PTPRN2: variants seen among roughly 807,000 people sequenced by gnomAD.
PTPRN2 encodes receptor-type tyrosine-protein phosphatase N2.
Under a neutral mutation model 118.8 loss-of-function variants are expected in PTPRN2, and 74 were observed. The observed-to-expected ratio is 0.62, with a 90% CI of 0.52 to 0.76. The LOEUF is 0.76. PTPRN2 is among the 30% of genes least tolerant of loss of function. PTPRN2 has a pLI of 0.00. For missense variants in PTPRN2, 1,481 were observed against 1,394.4 expected (o/e 1.06, Z -0.99); for synonymous variants, 641 against 608.0 (o/e 1.05, Z -0.80).
rs539242301 is a variant in PTPRN2 at position 158,226,450 on chromosome 7, T to C, written c.278-21177A>G. ...GGGTGGGGACGACGTTTGTTTCTTC[T>C]GCAGGCTGAACTGTGTGGCAGAGGA... On this transcript the variant is annotated intron_variant, in intron 3 of 22. Coordinates refer to ENST00000389418, the MANE Select transcript of PTPRN2 (RefSeq NM_002847.5). Among the ~76,000 whole-genome samples, 180 of 152,304 alleles carry C rather than the reference T, an allele frequency of 1.2e-3. 1 individual carries two copies. The highest frequency in any genetic ancestry group is 4.3e-3 in the African/African-American group (179 of 41,580).
At chr7:157,649,543 C>T (rs1385908892) in intron 14 of PTPRN2, among the ~76,000 whole-genome samples, 4 of 132,922 alleles carry the variant, frequency 3.0e-5, no homozygotes, top group African/African-American at 8.1e-5. Context: ...GCACTGAACT[C>T]GGTGGGTCGG....
intron 12 of PTPRN2, among the ~76,000 whole-genome samples, chr7:157,859,773 GCC>G (rs1199256906): frequency 8.0e-5 from 9 of 112,930 alleles, no homozygotes; most frequent in South Asian, 3.5e-4. Context: ...TGCAGGGAGA[GCC>G]CCCCAGCCAC....
intron 2 of PTPRN2, among the ~76,000 whole-genome samples, chr7:158,329,404 C>G (rs1443262588): frequency 2.0e-5 from 3 of 152,218 alleles, no homozygotes; most frequent in African/African-American, 7.2e-5. Context: ...ATGCAACAGG[C>G]TGTGTGCCGA....
At chr7:158,101,852 A>G (rs918893485) in intron 10 of PTPRN2, among the ~76,000 whole-genome samples, 10 of 152,122 alleles carry the variant, frequency 6.6e-5, no homozygotes, top group Admixed American at 5.2e-4. Flanking sequence ...TCCCTTCTTC[A>G]TTCTGGCCCA....
At chr7:158,558,968 G>A (rs186894751) in intron 1 of PTPRN2, among the ~76,000 whole-genome samples, 13 of 152,122 alleles carry the variant, frequency 8.5e-5, no homozygotes, top group Middle Eastern at 3.4e-3. Flanking sequence ...CTGGATCCCC[G>A]AGGTCTGCAG....
chr7:157,792,148 T>A (rs1804547981), intron 12 of PTPRN2, among the ~76,000 whole-genome samples: 1 of 152,228 alleles, frequency 6.6e-6, no homozygotes, highest in African/African-American at 2.4e-5. Flanking sequence ...ATCGAGTGAC[T>A]CTTACAGATC....
rs112819194 is a variant in PTPRN2, at chr7:157,632,760, A to G, written c.2197-11251T>C. The stretch of plus-strand genomic sequence containing the variant: ...TATGAATCTTATTATCTTATTTAAC[A>G]TCTTAAAAATTAAGGTTATGTGAAC... On this transcript the variant is annotated intron_variant, in intron 14 of 22. Transcript: ENST00000389418. This position sits in a 1 kb window ranked among gnomAD's most constrained non-coding sequence, Gnocchi z 4.3. Among the ~76,000 whole-genome samples, 49 of 152,366 alleles carry G rather than the reference A, an allele frequency of 3.2e-4. No homozygotes were observed. Among genetic ancestry groups the G allele is most frequent in the African/African-American group, 1.2e-3 (48 of 41,578 alleles).
chr7:158,033,027 A>T (rs1807801711), intron 11 of PTPRN2, among the ~76,000 whole-genome samples: 1 of 152,098 alleles, frequency 6.6e-6, no homozygotes, highest in South Asian at 2.1e-4. Context: ...TCACTGATGC[A>T]ATCAGCCAAC....
intron 6 of PTPRN2, among the ~76,000 whole-genome samples, chr7:158,151,422 C>T (rs80085711): frequency 3.3e-5 from 5 of 150,958 alleles, no homozygotes; most frequent in African/African-American, 4.9e-5. Context: ...CTGCCCACAC[C>T]GCCCGCCTTT....
At position 157,610,327 on chromosome 7, in the gene PTPRN2, G is replaced by A. The variant is rs1403148125; in HGVS notation, c.2345-6252C>T. ...AGGTGTTCTCTCGGGCTCTCCAACTGCCTCTGCTTTCTGTGAAGGTTTAGG... is the reference window on the plus strand; with the variant it reads ...AGGTGTTCTCTCGGGCTCTCCAACTACCTCTGCTTTCTGTGAAGGTTTAGG... On this transcript the variant is annotated intron_variant, in intron 15 of 22. Coordinates refer to ENST00000389418, the MANE Select transcript of PTPRN2 (RefSeq NM_002847.5). The surrounding 1 kb of genome is among the most constrained non-coding windows in gnomAD (Gnocchi z 5.1). Among the ~76,000 whole-genome samples the A allele has an allele frequency of 2.6e-5, 4 of 152,214 alleles. No homozygotes were observed. The highest frequency in any genetic ancestry group is 2.6e-4 in the Admixed American group (4 of 15,286).
chr7:158,459,659 G>C (rs1467905554), intron 2 of PTPRN2, among the ~76,000 whole-genome samples: 13 of 152,186 alleles, frequency 8.5e-5, no homozygotes, highest in Non-Finnish European at 1.6e-4. Flanking sequence ...CCCCTGTCCA[G>C]CCGCTGTGGC....
chr7:158,035,483 G>C (rs548025085), intron 11 of PTPRN2, among the ~76,000 whole-genome samples: 3 of 152,226 alleles, frequency 2.0e-5, no homozygotes, highest in East Asian at 3.9e-4. Context: ...AGGCAGGGGG[G>C]TCTGTTAGGG....
At chr7:157,920,357 T>C (rs1269994108) in intron 11 of PTPRN2, among the ~76,000 whole-genome samples, 1 of 152,166 alleles carries the variant, frequency 6.6e-6, no homozygotes, top group Non-Finnish European at 1.5e-5. Flanking sequence ...TAAAAGATTC[T>C]CAAGTCAGCA....
chr7:157,802,402 G>C (rs896055976), intron 12 of PTPRN2, among the ~76,000 whole-genome samples: 3 of 152,218 alleles, frequency 2.0e-5, no homozygotes, highest in Non-Finnish European at 2.9e-5. Context: ...TGTTGTTGCA[G>C]ATGGCAGGTT....
chr7:157,951,690 A>G (rs2128801274), intron 11 of PTPRN2, among the ~76,000 whole-genome samples: 1 of 152,360 alleles, frequency 6.6e-6, no homozygotes, highest in East Asian at 1.9e-4. Flanking sequence ...GGCCTCAGGC[A>G]CTGCCAGTGA....
chr7:158,044,582 C>T (rs1266901575), intron 11 of PTPRN2, among the ~76,000 whole-genome samples: 2 of 151,690 alleles, frequency 1.3e-5, no homozygotes, highest in Non-Finnish European at 2.9e-5. Context: ...CTCGGGGCCT[C>T]GATCATTTGT....
intron 3 of PTPRN2, among the ~76,000 whole-genome samples, chr7:158,294,642 G>A (rs1258956207): frequency 6.6e-6 from 1 of 150,942 alleles, no homozygotes. Context: ...GGCCAGGCAG[G>A]AGCAAGCGGG....
At chr7:158,001,149 T>TG (rs1204353582) in intron 11 of PTPRN2, among the ~76,000 whole-genome samples, 2 of 34,610 alleles carry the variant, frequency 5.8e-5, no homozygotes. Context: ...GGGTGCAAGG[T>TG]GGGGCTGGGG....
chr7:158,261,980 C>T (rs567504315), intron 3 of PTPRN2, among the ~76,000 whole-genome samples: 3 of 152,300 alleles, frequency 2.0e-5, no homozygotes, highest in East Asian at 1.9e-4. Context: ...CCTCCTCCCG[C>T]GGTGACTGTG....
Sources: allele counts gnomAD v4.1 joint callset (sites outside exome capture counted in the v4.1 genomes callset), GRCh38; gene constraint gnomAD v4.1.1; non-coding constraint Gnocchi (gnomAD v3.1); transcripts MANE v1.5; gene names NCBI Gene and HGNC (gene_info 2026-07-23, HGNC 2026-07-21).